MATCAP2: variants seen among roughly 807,000 people sequenced by gnomAD.
The protein encoded by MATCAP2 is putative tyrosine carboxypeptidase MATCAP2.
chr7:36,351,964 A>AAT, the MATCAP2 span, among the ~76,000 whole-genome samples: 1 of 140,038 alleles, frequency 7.1e-6, no homozygotes, highest in East Asian at 2.1e-4. Flanking sequence ...AAAAAAAAAA[A>AAT]TTTAAGATAC....
the MATCAP2 span, among the ~76,000 whole-genome samples, chr7:36,337,506 T>C: frequency 2.6e-5 from 4 of 152,304 alleles, no homozygotes; most frequent in South Asian, 2.1e-4. Context: ...GGAATTCATA[T>C]ACATGTCATA....
chr7:36,361,736 T>C, the MATCAP2 span, among the ~76,000 whole-genome samples: 148,801 of 152,260 alleles, frequency 0.98, 72,814 homozygotes, highest in East Asian at 1. Context: ...AAAAAACAAA[T>C]GAACAAACAA....
the MATCAP2 span, among the ~76,000 whole-genome samples, chr7:36,370,574 T>A: frequency 6.6e-6 from 1 of 152,034 alleles, no homozygotes. Context: ...CTCTGCCTCC[T>A]GGGTTCAAGT....
chr7:36,352,367 A>T, the MATCAP2 span, among the ~76,000 whole-genome samples: 1 of 146,006 alleles, frequency 6.8e-6, no homozygotes, highest in Non-Finnish European at 1.5e-5. Flanking sequence ...ACTGTACTCC[A>T]GCCTGGGTGA....
chr7:36,383,363 C>T, the MATCAP2 span, among the ~76,000 whole-genome samples: 1 of 152,154 alleles, frequency 6.6e-6, no homozygotes, highest in Admixed American at 6.5e-5. Flanking sequence ...CACATGCACA[C>T]ATATGTTTAC....
the MATCAP2 span, among the ~76,000 whole-genome samples, chr7:36,360,709 T>G: frequency 6.6e-6 from 1 of 152,210 alleles, no homozygotes; most frequent in African/African-American, 2.4e-5. Context: ...TTAAATACTA[T>G]TGCTTACTTT....
chr7:36,378,997 A>T, the MATCAP2 span, among the ~76,000 whole-genome samples: 1 of 152,198 alleles, frequency 6.6e-6, no homozygotes, highest in African/African-American at 2.4e-5. Context: ...TTCCTGGTAC[A>T]TACTGTCACA....
the MATCAP2 span, among the ~76,000 whole-genome samples, chr7:36,331,358 AT>A: frequency 6.2e-4 from 95 of 152,210 alleles, no homozygotes; most frequent in African/African-American, 2.2e-3. Flanking sequence ...GAGACTGGTA[AT>A]TTTAAATATA....
chr7:36,324,521 A>AATC, the MATCAP2 span: 1 of 152,204 alleles, frequency 6.6e-6, no homozygotes, highest in African/African-American at 2.4e-5. Context: ...AAATTAATAC[A>AATC]ATCTTCAACT....
At chr7:36,364,755 T>C in the MATCAP2 span, among the ~76,000 whole-genome samples, 1 of 152,212 alleles carries the variant, frequency 6.6e-6, no homozygotes, top group Non-Finnish European at 1.5e-5. Context: ...AGTTTCTGGC[T>C]GTCCAAACTG....
the MATCAP2 span, among the ~76,000 whole-genome samples, chr7:36,381,612 A>G: frequency 6.6e-6 from 1 of 150,982 alleles, no homozygotes; most frequent in South Asian, 2.1e-4. Flanking sequence ...CGGAGGTTGC[A>G]GTGAGCTAAG....
the MATCAP2 span, among the ~76,000 whole-genome samples, chr7:36,341,597 C>CCTTTATAAAAGAGGCCCCAGGGCT: frequency 6.6e-6 from 1 of 152,140 alleles, no homozygotes; most frequent in Non-Finnish European, 1.5e-5. Context: ...GTGATTAGTG[C>CCTTTATAAAAGAGGCCCCAGGGCT]CTTTATAAAA....
At chr7:36,386,631 G>T in the MATCAP2 span, among the ~76,000 whole-genome samples, 1 of 151,812 alleles carries the variant, frequency 6.6e-6, no homozygotes, top group East Asian at 1.9e-4. Context: ...ATAAGAAAAA[G>T]GCAAATAATT....
chr7:36,381,670 C>CAA, the MATCAP2 span, among the ~76,000 whole-genome samples: 7 of 76,334 alleles, frequency 9.2e-5, no homozygotes, highest in Admixed American at 2.5e-4. Flanking sequence ...GACTCCATCT[C>CAA]AAAAAAAAAA....
chr7:36,340,615 C>A, the MATCAP2 span, among the ~76,000 whole-genome samples: 1 of 152,144 alleles, frequency 6.6e-6, no homozygotes, highest in African/African-American at 2.4e-5. Flanking sequence ...TATCTTGATT[C>A]TTTTCTTCAT....
At chr7:36,385,761 G>A in the MATCAP2 span, among the ~76,000 whole-genome samples, 27 of 143,058 alleles carry the variant, frequency 1.9e-4, no homozygotes, top group Middle Eastern at 3.8e-3. Flanking sequence ...ACTCCAGCCT[G>A]GGTGACAGAG....
the MATCAP2 span, chr7:36,334,914 ACTT>A: frequency 1.3e-6 from 1 of 777,318 alleles, no homozygotes; most frequent in Non-Finnish European, 2.0e-6. Context: ...GAAGCTCATG[ACTT>A]CTTGCTAAAT....
At chr7:36,345,533 A>G in the MATCAP2 span, among the ~76,000 whole-genome samples, 1 of 152,212 alleles carries the variant, frequency 6.6e-6, no homozygotes, top group African/African-American at 2.4e-5. Flanking sequence ...ACCATTATTC[A>G]TATTACAGAT....
At chr7:36,379,495 T>A in the MATCAP2 span, among the ~76,000 whole-genome samples, 4 of 152,190 alleles carry the variant, frequency 2.6e-5, no homozygotes, top group South Asian at 8.3e-4. Context: ...TACATAAAGA[T>A]ACCTATATAC....
Sources: allele counts gnomAD v4.1 joint callset (sites outside exome capture counted in the v4.1 genomes callset), GRCh38; gene constraint gnomAD v4.1.1; transcripts MANE v1.5; gene names NCBI Gene and HGNC (gene_info 2026-07-23, HGNC 2026-07-21).